EPN2: variants seen among roughly 807,000 people sequenced by gnomAD.
EPN2 encodes epsin 2.
Under a neutral mutation model 61.7 loss-of-function variants are expected in EPN2, and 34 were observed. The observed-to-expected ratio is 0.55, with a 90% CI of 0.42 to 0.73. The LOEUF is 0.73. Ranked by LOEUF, EPN2 falls within the 30% of genes least tolerant of loss-of-function variation. The pLI is 0.00. For synonymous variants in EPN2, 349 were observed against 353.6 expected, an observed-to-expected ratio of 0.99 and a Z score of 0.15; for missense variants, 714 against 839.2, an observed-to-expected ratio of 0.85 and a Z score of 1.84.
At chr17:19,323,639 CAT>C (rs1906743613) in intron 7 of EPN2, among the ~76,000 whole-genome samples, 1 of 152,194 alleles carries the variant, frequency 6.6e-6, no homozygotes, top group Non-Finnish European at 1.5e-5. Context: ...GTCTGAGTGG[CAT>C]AGAGTCTTCA....
intron 1 of EPN2, among the ~76,000 whole-genome samples, chr17:19,242,297 C>T (rs942209051): frequency 6.6e-6 from 1 of 152,034 alleles, no homozygotes; most frequent in Non-Finnish European, 1.5e-5. Context: ...AAAAATTAGC[C>T]GGGCATAGTG....
rs2045391772 is a variant in EPN2, at chr17:19,285,079, A to G, written c.596-541A>G. ...ATTTCTCTCAAGGATCCTCTTACCA[A>G]CCCCCAGAGAGGCTCTCTTTGGATT... On this transcript the variant is annotated intron_variant, in intron 3 of 10. Transcript: ENST00000314728. The surrounding 1 kb of genome is among the most constrained non-coding windows in gnomAD (Gnocchi z 4.5). 6.6e-6 allele frequency among the ~76,000 whole-genome samples: 1 copy of G among 151,850 alleles called. No individual in the cohort carries two copies. The highest frequency in any genetic ancestry group is 1.5e-5 in the Non-Finnish European group (1 of 67,982).
chr17:19,256,039 A>T (rs948850043), intron 1 of EPN2, among the ~76,000 whole-genome samples: 1 of 151,660 alleles, frequency 6.6e-6, no homozygotes, highest in Non-Finnish European at 1.5e-5. Flanking sequence ...CTGGGTTCAT[A>T]CCATTCTCCT....
intron 5 of EPN2, among the ~76,000 whole-genome samples, 185 bp downstream of exon 5, chr17:19,310,182 A>T (rs962396171): frequency 2.0e-5 from 3 of 152,280 alleles, no homozygotes; most frequent in Middle Eastern, 3.4e-3. Flanking sequence ...CCAGTCAGGG[A>T]GGGATCCCAT....
intron 4 of EPN2, among the ~76,000 whole-genome samples, chr17:19,304,410 C>G (rs1466334327): frequency 6.6e-6 from 1 of 152,234 alleles, no homozygotes; most frequent in Non-Finnish European, 1.5e-5. Context: ...GACGCTGACC[C>G]TGTGCTCAGT....
chr17:19,246,056 G>C (rs932033379), intron 1 of EPN2, among the ~76,000 whole-genome samples: 3 of 151,908 alleles, frequency 2.0e-5, no homozygotes, highest in Non-Finnish European at 4.4e-5. Context: ...GCTGGAATTT[G>C]GTAGTCTTAA....
chr17:19,298,035 C>G (rs1451650345), intron 4 of EPN2, among the ~76,000 whole-genome samples: 1 of 152,026 alleles, frequency 6.6e-6, no homozygotes, highest in East Asian at 1.9e-4. Context: ...GCCACCATGC[C>G]CAGCTAATTT....
rs531626720 is a variant in EPN2 at position 19,262,004 on chromosome 17, G to A, written c.-293-19951G>A. ...GGAGTTCGAGACCAGCCTGGCCAACGTGGTGAAACCCATCTCTACTAAAAA... is the reference window on the plus strand; with the variant it reads ...GGAGTTCGAGACCAGCCTGGCCAACATGGTGAAACCCATCTCTACTAAAAA... On this transcript the variant is annotated intron_variant, in intron 1 of 10. Transcript: ENST00000314728. 4.6e-5 allele frequency among the ~76,000 whole-genome samples: 7 copies of A among 151,472 alleles called. No homozygotes were observed. In the South Asian group the frequency reaches 1.0e-3, roughly 23 times the overall value.
chr17:19,289,729 T>TTTTTTTTTTTTTTTTTTTTTTTTG (rs2045443589), intron 4 of EPN2, among the ~76,000 whole-genome samples: 1 of 108,720 alleles, frequency 9.2e-6, no homozygotes, highest in Non-Finnish European at 1.8e-5. Context: ...TCATGGTTTT[T>TTTTTTTTTTTTTTTTTTTTTTTTG]TTTTTTTTTT....
At chr17:19,265,341 G>A (rs982752715) in intron 1 of EPN2, among the ~76,000 whole-genome samples, 3 of 148,344 alleles carry the variant, frequency 2.0e-5, no homozygotes, top group Non-Finnish European at 4.4e-5. Context: ...TTGTGCTACT[G>A]TACTCCATCT....
chr17:19,244,077 A>T (rs748892358), intron 1 of EPN2, among the ~76,000 whole-genome samples: 1 of 152,244 alleles, frequency 6.6e-6, no homozygotes, highest in African/African-American at 2.4e-5. Flanking sequence ...TTGTCCTTCA[A>T]AAAGGCTGTA....
intron 1 of EPN2, among the ~76,000 whole-genome samples, chr17:19,247,720 T>C (rs906843076): frequency 2.6e-5 from 4 of 152,060 alleles, no homozygotes; most frequent in African/African-American, 9.7e-5. Context: ...GGGTAGGTCT[T>C]GAGTGGGTGC....
chr17:19,318,433 C>T (rs564163119), intron 7 of EPN2, among the ~76,000 whole-genome samples: 36 of 150,990 alleles, frequency 2.4e-4, no homozygotes, highest in African/African-American at 7.8e-4. Context: ...CTTGTAATCC[C>T]AGCTACTTGG....
chr17:19,331,855 G>A lies in EPN2; in HGVS notation c.1414G>A (p.Glu472Lys), dbSNP rs775352456. Residue 472 changes from glutamate (E) to lysine (K), a missense_variant and splice_region_variant, in exon 10 of 11, where the codon GAA (glutamate) becomes AAA (lysine). Glu to Lys is a moderately conservative substitution (Grantham distance 56, BLOSUM62 1). This residue lies in a region of EPN2 where 410 missense variants were observed against 421.8 expected (regional missense o/e 0.97). Transcript: ENST00000314728. ...DNLRTSKKTAESVTSLPSQNN... is the reference protein window; with the variant it reads ...DNLRTSKKTAKSVTSLPSQNN... ...CCATATGTGTCCTTGTCTTGTAGCC[G>A]AATCTGTGACCTCTCTGCCATCCCA... 1.2e-5 allele frequency: 19 copies of A among 1,613,732 alleles called. No homozygotes were observed. The highest frequency in any genetic ancestry group is 1.4e-5 in the Non-Finnish European group (17 of 1,179,770).
At chr17:19,272,022 G>A (rs1395944551) in intron 1 of EPN2, among the ~76,000 whole-genome samples, 3 of 152,242 alleles carry the variant, frequency 2.0e-5, no homozygotes, top group African/African-American at 7.2e-5. Flanking sequence ...TCATGGGAAT[G>A]TAGATTTTCC....
chr17:19,309,219 T>C (rs1003778202), intron 4 of EPN2, among the ~76,000 whole-genome samples: 1 of 150,864 alleles, frequency 6.6e-6, no homozygotes, highest in African/African-American at 2.4e-5. Context: ...CTTGGCTCAC[T>C]GCAACCTCCA....
At chr17:19,298,799 T>C (rs1263748849) in intron 4 of EPN2, among the ~76,000 whole-genome samples, 1 of 152,252 alleles carries the variant, frequency 6.6e-6, no homozygotes, top group Non-Finnish European at 1.5e-5. Context: ...ATGCTAATAA[T>C]GTATGCACTT....
intron 4 of EPN2, among the ~76,000 whole-genome samples, chr17:19,307,143 T>G (rs1395414234): frequency 6.6e-6 from 1 of 152,168 alleles, no homozygotes; most frequent in African/African-American, 2.4e-5. Context: ...ACTTTTTGTT[T>G]TGGTGTATTA....
At chr17:19,321,860 C>T (rs1906652590) in intron 7 of EPN2, among the ~76,000 whole-genome samples, 1 of 152,276 alleles carries the variant, frequency 6.6e-6, no homozygotes, top group Admixed American at 6.5e-5. Context: ...CCTGAAGTCA[C>T]ACCACAGCTC....
Sources: allele counts gnomAD v4.1 joint callset (sites outside exome capture counted in the v4.1 genomes callset), GRCh38; gene constraint gnomAD v4.1.1; regional missense constraint gnomAD v4.1.1; non-coding constraint Gnocchi (gnomAD v3.1); transcripts MANE v1.5; gene names NCBI Gene and HGNC (gene_info 2026-07-23, HGNC 2026-07-21).